Variants in NAV3 observed in about 807,000 individuals in gnomAD.
NAV3 encodes neuron navigator 3.
NAV3 carries 87 observed loss-of-function variants against 244.7 expected under a neutral mutation model. That is an observed-to-expected ratio of 0.36 (90% CI 0.30 to 0.42). NAV3 has a LOEUF of 0.42. Among genes scored for constraint, NAV3 ranks in the 20% least tolerant of loss-of-function variants. NAV3 has a pLI of 1.00. For synonymous variants in NAV3, 1,126 were observed against 1,042.2 expected (o/e 1.08, Z -1.55); for missense variants, 2,663 against 2,893.3 (o/e 0.92, Z 1.83).
chr12:77,647,328 G>C (rs190343730), intron 2 of NAV3, among the ~76,000 whole-genome samples: 106 of 152,166 alleles, frequency 7.0e-4, no homozygotes, highest in Middle Eastern at 3.4e-3. Context: ...GACTTTAAAC[G>C]CCTTAGCTGG....
intron 27 of NAV3, 30 bp from the exon 28 acceptor site, chr12:78,177,590 A>G: frequency 2.5e-6 from 4 of 1,583,648 alleles, no homozygotes; most frequent in Non-Finnish European, 3.4e-6. Context: ...GCATTTGTCC[A>G]TGTATCTGTC....
At chr12:77,602,171 C>CA (rs1870463324) in intron 2 of NAV3, among the ~76,000 whole-genome samples, 2 of 151,950 alleles carry the variant, frequency 1.3e-5, no homozygotes, top group Admixed American at 1.3e-4. Flanking sequence ...AATTTAGTCA[C>CA]ATAGCCATTT....
At chr12:77,595,756 A>G (rs572516885) in intron 2 of NAV3, among the ~76,000 whole-genome samples, 1 of 152,310 alleles carries the variant, frequency 6.6e-6, no homozygotes, top group East Asian at 1.9e-4. Flanking sequence ...AAATACCTTC[A>G]TAATTTATAC....
intron 12 of NAV3, among the ~76,000 whole-genome samples, chr12:78,106,270 TCTA>T (rs1324195614): frequency 6.6e-6 from 1 of 152,114 alleles, no homozygotes; most frequent in Non-Finnish European, 1.5e-5. Context: ...ATTTTATTTA[TCTA>T]CTAACAAAAA....
At chr12:77,853,430 G>A (rs772268479) in intron 1 of NAV3, among the ~76,000 whole-genome samples, 3 of 152,130 alleles carry the variant, frequency 2.0e-5, no homozygotes, top group Non-Finnish European at 4.4e-5. Flanking sequence ...TCCATGGGTT[G>A]TGTTTTCCCT....
chr12:77,750,489 G>A (rs1757681434), intron 2 of NAV3, among the ~76,000 whole-genome samples: 1 of 151,968 alleles, frequency 6.6e-6, no homozygotes, highest in Non-Finnish European at 1.5e-5. Flanking sequence ...CTCTAATCAT[G>A]CCTGGGAATA....
intron 1 of NAV3, among the ~76,000 whole-genome samples, chr12:77,836,504 A>C (rs899853551): frequency 2.6e-5 from 4 of 152,160 alleles, no homozygotes; most frequent in Admixed American, 2.6e-4. Context: ...TTTTTACTTT[A>C]TTCTTAAAAC....
intron 2 of NAV3, among the ~76,000 whole-genome samples, chr12:77,781,797 A>G (rs1215354032): frequency 6.6e-6 from 1 of 152,200 alleles, no homozygotes; most frequent in African/African-American, 2.4e-5. Context: ...TCTTGGCAAT[A>G]TTTAGTGAAT....
intron 1 of NAV3, among the ~76,000 whole-genome samples, chr12:77,900,433 C>T: frequency 6.6e-6 from 1 of 152,170 alleles, no homozygotes; most frequent in Non-Finnish European, 1.5e-5. Flanking sequence ...ATAAGGAGGA[C>T]ATGCAGTCTT....
At chr12:78,197,483 A>T (rs1020972447) in intron 35 of NAV3, 82 bp downstream of exon 35, 9 of 1,022,994 alleles carry the variant, frequency 8.8e-6, no homozygotes, top group Admixed American at 2.8e-5. Flanking sequence ...ATGCATTTTT[A>T]AAATTTGTTT....
At chr12:78,078,061 G>A (rs985666672) in intron 12 of NAV3, among the ~76,000 whole-genome samples, 1 of 6,854 alleles carries the variant, frequency 1.5e-4, no homozygotes, top group Admixed American at 5.3e-3. Flanking sequence ...TCCTTGTCTT[G>A]TAGTTAGCTT....
intron 16 of NAV3, among the ~76,000 whole-genome samples, chr12:78,124,443 TA>T (rs1955816347): frequency 6.6e-6 from 1 of 151,988 alleles, no homozygotes. Flanking sequence ...TTATTTATGT[TA>T]TGTTATGTTA....
At chr12:77,753,573 T>G (rs1247684824) in intron 2 of NAV3, among the ~76,000 whole-genome samples, 1 of 152,154 alleles carries the variant, frequency 6.6e-6, no homozygotes, top group Non-Finnish European at 1.5e-5. Flanking sequence ...CAGTTTTTAC[T>G]AGTTAGGTCA....
chr12:77,874,645 T>G (rs1428952517), intron 1 of NAV3, among the ~76,000 whole-genome samples: 1 of 152,192 alleles, frequency 6.6e-6, no homozygotes. Flanking sequence ...CTATATTGTC[T>G]TATTAGTGAA....
intron 9 of NAV3, among the ~76,000 whole-genome samples, chr12:78,037,540 A>AT (rs5799370): frequency 5.0e-4 from 75 of 150,218 alleles, no homozygotes; most frequent in East Asian, 3.9e-3. Context: ...TCTTGAAGTG[A>AT]TTTTTTTTTT....
chr12:77,879,868 T>C (rs1343052792), intron 1 of NAV3, among the ~76,000 whole-genome samples: 1 of 152,244 alleles, frequency 6.6e-6, no homozygotes, highest in Admixed American at 6.5e-5. Context: ...AATTTTGTAG[T>C]ACACAGCAGG....
intron 2 of NAV3, among the ~76,000 whole-genome samples, chr12:77,815,462 T>C (rs1041028358): frequency 1.3e-5 from 2 of 152,184 alleles, no homozygotes; most frequent in Admixed American, 6.6e-5. Flanking sequence ...ACAGTAAATA[T>C]TGACTTTTTT....
chr12:77,641,992 C>A (rs1334791178), intron 2 of NAV3, among the ~76,000 whole-genome samples: 1 of 152,068 alleles, frequency 6.6e-6, no homozygotes, highest in Non-Finnish European at 1.5e-5. Flanking sequence ...GAATCTCAGT[C>A]TTAAATAGAT....
At chr12:78,025,654 C>T (rs1329344972) in intron 9 of NAV3, among the ~76,000 whole-genome samples, 1 of 146,242 alleles carries the variant, frequency 6.8e-6, no homozygotes, top group Non-Finnish European at 1.5e-5. Flanking sequence ...GTAGGTGGGG[C>T]CTCATGGGAG....
Sources: gnomAD v4.1 joint callset for allele counts (sites outside exome capture counted in the v4.1 genomes callset) on GRCh38, gnomAD v4.1.1 for gene constraint, MANE v1.5 for transcripts, NCBI Gene and HGNC (gene_info 2026-07-23, HGNC 2026-07-21) for gene names.